The following LCORL variants were observed in gnomAD, a reference collection of about 807,000 sequenced individuals.
The protein encoded by LCORL is ligand dependent nuclear receptor corepressor like, also known as ligand-dependent nuclear receptor corepressor-like protein.
A neutral mutation model predicts 141.8 loss-of-function variants in LCORL; 41 were observed. The observed-to-expected ratio is 0.29, with a 90% CI of 0.23 to 0.38. LCORL has a LOEUF of 0.38. Ranked by LOEUF, LCORL falls within the 10% of genes least tolerant of loss-of-function variation. The probability of loss-of-function intolerance (pLI) is 1.00; values close to 1 mark genes in which losing one functional copy is unlikely to be tolerated. For synonymous variants in LCORL, 618 were observed against 694.1 expected, an observed-to-expected ratio of 0.89 and a Z score of 1.72; for missense variants, 1,759 against 2,035.0, an observed-to-expected ratio of 0.86 and a Z score of 2.61.
intron 1 of LCORL, among the ~76,000 whole-genome samples, chr4:17,995,238 AT>A (rs955036374): frequency 1.5e-5 from 2 of 134,608 alleles, no homozygotes; most frequent in Non-Finnish European, 3.2e-5. Flanking sequence ...CTGTTCAGTC[AT>A]TTTTTTTAGG....
intron 4 of LCORL, among the ~76,000 whole-genome samples, chr4:17,928,788 G>A (rs904908352): frequency 1.3e-5 from 2 of 152,106 alleles, no homozygotes; most frequent in Non-Finnish European, 2.9e-5. Flanking sequence ...CAAGGAAGAA[G>A]CAAAACTCTC....
At chr4:17,941,970 C>T (rs1226430710) in intron 4 of LCORL, among the ~76,000 whole-genome samples, 1 of 151,986 alleles carries the variant, frequency 6.6e-6, no homozygotes, top group East Asian at 1.9e-4. Context: ...ACTTTCAACA[C>T]AGCTTTAAAG....
intron 4 of LCORL, among the ~76,000 whole-genome samples, chr4:17,949,578 T>C (rs1448118030): frequency 6.6e-6 from 1 of 152,146 alleles, no homozygotes; most frequent in African/African-American, 2.4e-5. Context: ...CATTTTCCTT[T>C]GCTTTCTTTT....
intron 7 of LCORL, among the ~76,000 whole-genome samples, chr4:17,858,301 T>C (rs1359130900): frequency 6.7e-6 from 1 of 150,270 alleles, no homozygotes; most frequent in Non-Finnish European, 1.5e-5. Flanking sequence ...AATAGTAATA[T>C]GCAGAATTAA....
At chr4:17,992,934 A>G (rs1214475372) in intron 1 of LCORL, among the ~76,000 whole-genome samples, 1 of 152,256 alleles carries the variant, frequency 6.6e-6, no homozygotes, top group Non-Finnish European at 1.5e-5. Context: ...CACAGACTTT[A>G]GGGTTAGGGG....
intron 1 of LCORL, among the ~76,000 whole-genome samples, chr4:17,992,346 T>G (rs1720174282): frequency 6.6e-6 from 1 of 152,194 alleles, no homozygotes; most frequent in African/African-American, 2.4e-5. Context: ...CCCCATGATC[T>G]AATCACCTCC....
At chr4:17,881,822 T>C (rs895252518) in intron 6 of LCORL, 18 of 983,930 alleles carry the variant, frequency 1.8e-5, no homozygotes, top group Admixed American at 6.2e-5. Context: ...TTTTGAAATA[T>C]GTACTTTACC....
intron 1 of LCORL, among the ~76,000 whole-genome samples, chr4:18,001,622 G>T (rs1456455653): frequency 1.3e-5 from 2 of 152,164 alleles, no homozygotes; most frequent in Non-Finnish European, 2.9e-5. Context: ...TATAAAGAAA[G>T]AAAGAATGGA....
At chr4:17,868,496 G>A (rs554523116) in intron 7 of LCORL, among the ~76,000 whole-genome samples, 10 of 152,108 alleles carry the variant, frequency 6.6e-5, no homozygotes, top group Admixed American at 1.3e-4. Flanking sequence ...ATATCGAGAT[G>A]TTTATCAATT....
At chr4:17,930,121 TGTGGAAAAA>T (rs1735770512) in intron 4 of LCORL, among the ~76,000 whole-genome samples, 1 of 152,196 alleles carries the variant, frequency 6.6e-6, no homozygotes, top group African/African-American at 2.4e-5. Flanking sequence ...TTGTGGAGGA[TGTGGAAAAA>T]CTGGAACCCT....
At chr4:17,938,426 T>C (rs1475359751) in intron 4 of LCORL, among the ~76,000 whole-genome samples, 1 of 150,620 alleles carries the variant, frequency 6.6e-6, no homozygotes, top group Non-Finnish European at 1.5e-5. Context: ...TCTTTTTTTT[T>C]TTTTTTTGAG....
chr4:17,869,759 G>A (rs907094196), intron 7 of LCORL, among the ~76,000 whole-genome samples: 4 of 151,930 alleles, frequency 2.6e-5, no homozygotes, highest in Non-Finnish European at 5.9e-5. Context: ...GTATGTTTAG[G>A]AAGCATATCC....
At chr4:18,009,913 C>A (rs1208085664) in intron 1 of LCORL, among the ~76,000 whole-genome samples, 2 of 152,174 alleles carry the variant, frequency 1.3e-5, no homozygotes, top group African/African-American at 2.4e-5. Flanking sequence ...GGCTCTGCCT[C>A]CCACGCACCC....
chr4:17,889,277 ATGACCCTAT>A (rs1728734942), intron 5 of LCORL, among the ~76,000 whole-genome samples: 1 of 152,072 alleles, frequency 6.6e-6, no homozygotes, highest in African/African-American at 2.4e-5. Flanking sequence ...AGTCTAAACA[ATGACCCTAT>A]TGAGAAATGC....
chr4:17,904,948 C>T (rs1413618063), intron 5 of LCORL, among the ~76,000 whole-genome samples: 1 of 152,112 alleles, frequency 6.6e-6, no homozygotes, highest in African/African-American at 2.4e-5. Context: ...AAGCATCAGT[C>T]CTCACATTCA....
chr4:17,932,097 A>G (rs1342154603), intron 4 of LCORL, among the ~76,000 whole-genome samples: 1 of 152,000 alleles, frequency 6.6e-6, no homozygotes, highest in Non-Finnish European at 1.5e-5. Context: ...GGCTTTCTTT[A>G]TTGTTTTCAA....
Position 18,021,753 on chromosome 4 carries a change from T to A in LCORL, c.-2A>T, listed in dbSNP as rs1189495431. On this transcript the variant is annotated 5_prime_UTR_variant, in exon 1 of 8. Coordinates refer to ENST00000635767, the Ensembl canonical transcript of LCORL. The surrounding 1 kb of genome is among the most constrained non-coding windows in gnomAD (Gnocchi z 5.5). ...CATTCTCTCTCTTCCCTTGTCCATC[T>A]GCGTCCCGCGTCACGCGCCCTCATT... 6.7e-7 allele frequency: 1 copy of A among 1,493,328 alleles called. No homozygotes were observed. The highest frequency in any genetic ancestry group is 2.4e-5 in the Admixed American group (1 of 42,086). 92.5% of individuals were successfully genotyped at this position (1,493,328 alleles called of 1,614,324 possible).
At chr4:17,876,375 T>C (rs1726922638) in exon 7 of LCORL, 1 of 1,230,744 alleles carries the variant, frequency 8.1e-7, no homozygotes, top group South Asian at 4.1e-5. Flanking sequence ...ATGTTGGTCT[T>C]TACCATCAAT....
intron 4 of LCORL, among the ~76,000 whole-genome samples, chr4:17,918,935 G>T (rs546247930): frequency 1.3e-5 from 2 of 151,996 alleles, no homozygotes; most frequent in African/African-American, 4.8e-5. Flanking sequence ...AATAAATTTT[G>T]AAAGCAGCAA....
Sources: gnomAD v4.1 joint callset for allele counts (sites outside exome capture counted in the v4.1 genomes callset) on GRCh38, gnomAD v4.1.1 for gene constraint, Gnocchi (gnomAD v3.1) non-coding constraint, MANE v1.5 for transcripts, NCBI Gene and HGNC (gene_info 2026-07-23, HGNC 2026-07-21) for gene names.